The following GLIS1 variants were observed in gnomAD, a reference collection of about 807,000 sequenced individuals.
GLIS1 encodes the protein GLIS family zinc finger 1.
Under a neutral mutation model 63.8 loss-of-function variants are expected in GLIS1, and 24 were observed. The ratio of observed to expected loss-of-function variants is 0.38; its 90% CI spans 0.27 to 0.53. The LOEUF is 0.53. GLIS1 is among the 20% of genes least tolerant of loss of function. The probability of loss-of-function intolerance (pLI) is 0.85; values close to 1 mark genes in which losing one functional copy is unlikely to be tolerated. For missense variants in GLIS1, 1,036 were observed against 1,074.1 expected (o/e 0.96, Z 0.50); for synonymous variants, 450 against 482.5 (o/e 0.93, Z 0.88).
chr1:53,540,074 G>C (rs901537642), intron 4 of GLIS1, among the ~76,000 whole-genome samples: 1 of 152,120 alleles, frequency 6.6e-6, no homozygotes, highest in African/African-American at 2.4e-5. Flanking sequence ...CTGTCATCCC[G>C]ATGCTGCGGC....
At chr1:53,671,475 G>C (rs983453788) in intron 2 of GLIS1, among the ~76,000 whole-genome samples, 1 of 152,222 alleles carries the variant, frequency 6.6e-6, no homozygotes, top group African/African-American at 2.4e-5. Context: ...CAGATGGCTG[G>C]GGTGTTGGCT....
At chr1:53,709,048 T>C (rs1452333840) in intron 2 of GLIS1, among the ~76,000 whole-genome samples, 1 of 152,094 alleles carries the variant, frequency 6.6e-6, no homozygotes, top group African/African-American at 2.4e-5. Flanking sequence ...TCAAAGATTA[T>C]CTATCTTGTT....
At position 53,511,796 on chromosome 1, in the gene GLIS1, T is replaced by G. The variant is rs1430737518; in HGVS notation, c.1884-1769A>C. Among the ~76,000 whole-genome samples the G allele has an allele frequency of 6.6e-6, 1 of 151,936 alleles. No individual in the cohort carries two copies. Among genetic ancestry groups the G allele is most frequent in the East Asian group, 1.9e-4 (1 of 5,140 alleles). On this transcript the variant is annotated intron_variant, in intron 8 of 10. Transcript: ENST00000628545. The surrounding 1 kb of genome is among the most constrained non-coding windows in gnomAD (Gnocchi z 4.2). ...GCTGGGCTGGGGCCTGGCCGGAGAG[T>G]GGCTCCTCCTTCCTGCAGGCCTGCT...
chr1:53,660,536 G>A (rs150867556), intron 2 of GLIS1, among the ~76,000 whole-genome samples: 46 of 152,276 alleles, frequency 3.0e-4, no homozygotes, highest in African/African-American at 1.1e-3. Context: ...AGCTTTGTAG[G>A]GACCCTAAGC....
intron 5 of GLIS1, among the ~76,000 whole-genome samples, chr1:53,525,481 A>G (rs1349904777): frequency 1.6e-5 from 1 of 63,714 alleles, no homozygotes. Context: ...GAGGCTGGGG[A>G]GTCTGGCGGG....
intron 4 of GLIS1, among the ~76,000 whole-genome samples, chr1:53,586,819 C>A (rs972934751): frequency 2.6e-5 from 4 of 152,198 alleles, no homozygotes; most frequent in Admixed American, 6.5e-5. Flanking sequence ...GTCCGGGCAA[C>A]CTCACACAGC....
rs114000892 is a variant in GLIS1, at chr1:53,688,131, C to T, written c.259+49675G>A. ...CGGCAGGCTCTGGCCCTGTGTGTGG[C>T]GTGCTGACACCCGCTCTCGGTCCCT... On this transcript the variant is annotated intron_variant, in intron 2 of 10. Transcript: ENST00000628545. 5.7e-3 allele frequency among the ~76,000 whole-genome samples: 868 copies of T among 152,322 alleles called. 12 individuals carry two copies. The highest frequency in any genetic ancestry group is 0.02 in the African/African-American group (828 of 41,572).
intron 2 of GLIS1, among the ~76,000 whole-genome samples, chr1:53,703,605 C>A: frequency 6.7e-6 from 1 of 148,262 alleles, no homozygotes; most frequent in African/African-American, 2.5e-5. Flanking sequence ...CACCACTGCA[C>A]TCCAGCCAGG....
chr1:53,647,492 A>G (rs997878802), intron 2 of GLIS1, among the ~76,000 whole-genome samples: 2 of 152,220 alleles, frequency 1.3e-5, no homozygotes, highest in African/African-American at 4.8e-5. Context: ...GGATTTCTAT[A>G]CAATGTCGGA....
rs374192851 is a variant in GLIS1 at position 53,526,774 on chromosome 1, A to C, written c.1483-1887T>G. ...GCACATTCGCCTGGAAACGGGCGGC[A>C]AGGCCCATCTCTGTGTTTGTTTTTC... On this transcript the variant is annotated intron_variant, in intron 5 of 10. Transcript: ENST00000628545. The surrounding 1 kb of genome is among the most constrained non-coding windows in gnomAD (Gnocchi z 4.4). Among the ~76,000 whole-genome samples the C allele has an allele frequency of 5.3e-5, 8 of 152,350 alleles. No individual in the cohort carries two copies. Among genetic ancestry groups the C allele is most frequent in the African/African-American group, 1.9e-4 (8 of 41,582 alleles).
intron 2 of GLIS1, among the ~76,000 whole-genome samples, chr1:53,669,888 G>A (rs1193053296): frequency 1.3e-5 from 2 of 152,198 alleles, no homozygotes; most frequent in Admixed American, 6.5e-5. Context: ...CAGAGGGTGG[G>A]GGAACTGCTT....
chr1:53,615,717 T>C (rs1350334891), intron 2 of GLIS1, among the ~76,000 whole-genome samples: 2 of 143,858 alleles, frequency 1.4e-5, no homozygotes, highest in Non-Finnish European at 1.5e-5. Flanking sequence ...ATGATATGAT[T>C]TTATTTATTT....
At chr1:53,661,230 C>T (rs1413648568) in intron 2 of GLIS1, among the ~76,000 whole-genome samples, 2 of 152,028 alleles carry the variant, frequency 1.3e-5, no homozygotes, top group Non-Finnish European at 2.9e-5. Flanking sequence ...ACAGAAAAGG[C>T]CCTCACCCAG....
At chr1:53,557,370 G>A (rs1449020569) in intron 4 of GLIS1, among the ~76,000 whole-genome samples, 1 of 152,120 alleles carries the variant, frequency 6.6e-6, no homozygotes, top group Non-Finnish European at 1.5e-5. Context: ...ACTTGGCCAT[G>A]GTCACTCAGA....
At chr1:53,704,986 G>A (rs1042478831) in intron 2 of GLIS1, among the ~76,000 whole-genome samples, 1 of 152,214 alleles carries the variant, frequency 6.6e-6, no homozygotes, top group Admixed American at 6.5e-5. Flanking sequence ...TGAGGCCAGG[G>A]GAGGAGACAT....
Position 53,644,334 on chromosome 1 carries a change from T to C in GLIS1, c.260-44056A>G, listed in dbSNP as rs978054930. Among the ~76,000 whole-genome samples, 7 of 152,196 alleles carry C rather than the reference T, an allele frequency of 4.6e-5. No individual in the cohort carries two copies. The East Asian group carries it at 1.3e-3, about 29-fold the overall frequency. On this transcript the variant is annotated intron_variant, in intron 2 of 10. Transcript: ENST00000628545. ...ATTTATCATACAACCTGACATAATA[T>C]TGATGAATTTTTCTTCATTAAACAA...
intron 4 of GLIS1, among the ~76,000 whole-genome samples, chr1:53,568,351 T>C (rs61770271): frequency 3.4e-4 from 52 of 152,254 alleles, no homozygotes; most frequent in Admixed American, 2.9e-3. Context: ...CTATTGTATA[T>C]TGAAAGTAAC....
intron 4 of GLIS1, among the ~76,000 whole-genome samples, chr1:53,559,510 C>A (rs1340509281): frequency 6.6e-6 from 1 of 152,224 alleles, no homozygotes; most frequent in Non-Finnish European, 1.5e-5. Flanking sequence ...TGCCAGGCGA[C>A]CTCAGGCTGG....
At chr1:53,614,750 C>T (rs1431969516) in intron 2 of GLIS1, among the ~76,000 whole-genome samples, 1 of 151,962 alleles carries the variant, frequency 6.6e-6, no homozygotes, top group Non-Finnish European at 1.5e-5. Context: ...GGCAATGTGA[C>T]TCTATGCATT....
Sources: gnomAD v4.1 joint callset for allele counts (sites outside exome capture counted in the v4.1 genomes callset) on GRCh38, gnomAD v4.1.1 for gene constraint, Gnocchi (gnomAD v3.1) non-coding constraint, MANE v1.5 for transcripts, NCBI Gene and HGNC (gene_info 2026-07-23, HGNC 2026-07-21) for gene names.